Variants in EYS observed in about 807,000 individuals in gnomAD.
The protein encoded by EYS is EGF-like photoreceptor maintenance factor.
Under a neutral mutation model 282.1 loss-of-function variants are expected in EYS, and 250 were observed. The observed-to-expected ratio is 0.89, with a 90% CI of 0.80 to 0.98. The LOEUF is 0.98. Ranked by LOEUF, EYS falls within the 50% of genes least tolerant of loss-of-function variation. The probability of loss-of-function intolerance (pLI) is 0.00; values close to 1 mark genes in which losing one functional copy is unlikely to be tolerated. For missense variants in EYS, 4,016 were observed against 3,709.0 expected (o/e 1.08, Z -2.15); for synonymous variants, 1,355 against 1,282.9 (o/e 1.06, Z -1.20).
intron 2 of EYS, among the ~76,000 whole-genome samples, chr6:65,528,644 G>C (rs564330150): frequency 9.2e-5 from 14 of 152,196 alleles, no homozygotes; most frequent in African/African-American, 3.4e-4. Flanking sequence ...GAACTTCTCT[G>C]TCTCCTGAAC....
At chr6:64,195,819 T>C (rs1423853796) in intron 31 of EYS, among the ~76,000 whole-genome samples, 1 of 152,130 alleles carries the variant, frequency 6.6e-6, no homozygotes, top group African/African-American at 2.4e-5. Context: ...ACACCTACTT[T>C]ATGTGTTTGA....
intron 11 of EYS, among the ~76,000 whole-genome samples, chr6:65,318,630 T>A (rs1754010774): frequency 1.4e-5 from 2 of 147,672 alleles, no homozygotes; most frequent in African/African-American, 4.9e-5. Context: ...AAAATATATA[T>A]AATTTATATA....
At chr6:64,834,733 T>C (rs1765330668) in intron 19 of EYS, among the ~76,000 whole-genome samples, 1 of 151,858 alleles carries the variant, frequency 6.6e-6, no homozygotes, top group African/African-American at 2.4e-5. Flanking sequence ...ATACTAAGTC[T>C]CTATAATGTT....
intron 36 of EYS, among the ~76,000 whole-genome samples, chr6:63,845,417 T>C (rs1772073072): frequency 6.6e-6 from 1 of 151,670 alleles, no homozygotes; most frequent in African/African-American, 2.4e-5. Context: ...AATAAAACTG[T>C]ATCTGTTTGA....
chr6:65,335,485 C>A (rs2150314046), intron 10 of EYS, among the ~76,000 whole-genome samples: 1 of 151,872 alleles, frequency 6.6e-6, no homozygotes, highest in African/African-American at 2.4e-5. Context: ...TTCTGATAAG[C>A]AATTGTAGGC....
intron 22 of EYS, among the ~76,000 whole-genome samples, chr6:64,660,042 T>A (rs1357264682): frequency 6.6e-6 from 1 of 152,160 alleles, no homozygotes; most frequent in Non-Finnish European, 1.5e-5. Context: ...TCCACTATGA[T>A]CAAGCAGGCT....
At chr6:63,850,513 G>A (rs906339496) in intron 36 of EYS, among the ~76,000 whole-genome samples, 1 of 152,150 alleles carries the variant, frequency 6.6e-6, no homozygotes, top group East Asian at 1.9e-4. Flanking sequence ...GAAGAAAGCG[G>A]GTGCCAATAT....
At chr6:65,525,235 T>A (rs1767513392) in intron 2 of EYS, among the ~76,000 whole-genome samples, 1 of 152,128 alleles carries the variant, frequency 6.6e-6, no homozygotes, top group Non-Finnish European at 1.5e-5. Flanking sequence ...AACTGGGGAA[T>A]CATGACTGGT....
intron 29 of EYS, among the ~76,000 whole-genome samples, chr6:64,343,168 A>G (rs559779566): frequency 6.6e-6 from 1 of 152,224 alleles, no homozygotes; most frequent in South Asian, 2.1e-4. Flanking sequence ...GTTAACAACA[A>G]TACCCAGGAA....
At chr6:65,577,030 A>C (rs10944816) in intron 2 of EYS, among the ~76,000 whole-genome samples, 9 of 151,736 alleles carry the variant, frequency 5.9e-5, no homozygotes, top group Admixed American at 6.6e-5. Flanking sequence ...TTTACATCAA[A>C]ATTTCAATGA....
chr6:65,705,875 G>A (rs1471114234), intron 1 of EYS, among the ~76,000 whole-genome samples: 1 of 151,834 alleles, frequency 6.6e-6, no homozygotes, highest in Non-Finnish European at 1.5e-5. Context: ...ATTAACAATT[G>A]CAATTTTTGT....
chr6:64,900,682 T>C (rs961215796), intron 18 of EYS, among the ~76,000 whole-genome samples: 7 of 152,178 alleles, frequency 4.6e-5, no homozygotes, highest in African/African-American at 1.4e-4. Context: ...CACAATGAGA[T>C]GCCATCTCAT....
At chr6:64,735,542 T>C (rs1385972808) in intron 22 of EYS, among the ~76,000 whole-genome samples, 3 of 152,236 alleles carry the variant, frequency 2.0e-5, no homozygotes, top group Non-Finnish European at 4.4e-5. Flanking sequence ...TTGTATAACT[T>C]ATACTTTGTC....
At chr6:64,510,368 T>A (rs1777346282) in intron 26 of EYS, among the ~76,000 whole-genome samples, 1 of 152,160 alleles carries the variant, frequency 6.6e-6, no homozygotes, top group African/African-American at 2.4e-5. Context: ...CTTTTAATAC[T>A]ATCGCACATT....
chr6:65,157,239 C>T (rs1053692868), intron 12 of EYS, among the ~76,000 whole-genome samples: 1 of 150,808 alleles, frequency 6.6e-6, no homozygotes, highest in Non-Finnish European at 1.5e-5. Context: ...TAATCTACAC[C>T]ACTATTAAAA....
chr6:63,928,009 A>G (rs1176850630), intron 35 of EYS, among the ~76,000 whole-genome samples: 3 of 152,244 alleles, frequency 2.0e-5, no homozygotes, highest in Non-Finnish European at 4.4e-5. Context: ...ACAGTATGGC[A>G]TAATGGAAAA....
chr6:65,127,548 A>G (rs924694152), intron 12 of EYS, among the ~76,000 whole-genome samples: 3 of 152,196 alleles, frequency 2.0e-5, no homozygotes, highest in Non-Finnish European at 4.4e-5. Context: ...ACTGAAGAAC[A>G]GAAATATATT....
intron 12 of EYS, among the ~76,000 whole-genome samples, chr6:65,282,335 C>A (rs1582097711): frequency 1.3e-5 from 2 of 151,996 alleles, no homozygotes; most frequent in South Asian, 2.1e-4. Context: ...TTGCTTTGTA[C>A]ATCATACATT....
chr6:65,443,087 A>G (rs909006479), intron 5 of EYS, among the ~76,000 whole-genome samples: 2 of 151,882 alleles, frequency 1.3e-5, no homozygotes, highest in African/African-American at 2.4e-5. Flanking sequence ...GTCTATACAT[A>G]CATGCATATG....
Sources: gnomAD v4.1 joint callset for allele counts (sites outside exome capture counted in the v4.1 genomes callset) on GRCh38, gnomAD v4.1.1 for gene constraint, MANE v1.5 for transcripts, NCBI Gene and HGNC (gene_info 2026-07-23, HGNC 2026-07-21) for gene names.